AHR: variants seen among roughly 807,000 people sequenced by gnomAD.
AHR encodes aryl hydrocarbon receptor.
Under a neutral mutation model 86.8 loss-of-function variants are expected in AHR, and 40 were observed. The ratio of observed to expected loss-of-function variants is 0.46; its 90% confidence interval spans 0.36 to 0.60. The LOEUF (loss-of-function observed/expected upper bound fraction) is 0.60, where lower values mean the gene tolerates loss of function less well. Among genes scored for constraint, AHR ranks in the 20% least tolerant of loss-of-function variants. The pLI, the probability that AHR is intolerant of heterozygous loss-of-function variation, is 0.00. For missense variants in AHR, 1,001 were observed against 1,011.6 expected (o/e 0.99, Z 0.14); for synonymous variants, 398 against 354.9 (o/e 1.12, Z -1.37).
chr7:17,299,314 A>C lies in AHR; in HGVS notation c.50A>C (p.Lys17Thr). The C allele has an allele frequency of 6.2e-7, 1 of 1,612,834 alleles. No homozygotes were observed. The highest frequency in any genetic ancestry group is 2.2e-5 in the East Asian group (1 of 44,854). Reference sequence around the variant, plus strand: ...ACCTACGCCAGTCGCAAGCGGCGGAAGCCGGTGCAGAAAACGTGAGTGTCC... The same window carrying C: ...ACCTACGCCAGTCGCAAGCGGCGGACGCCGGTGCAGAAAACGTGAGTGTCC... Reference protein sequence around the residue: ...NITYASRKRRKPVQKTVKPIP... With the variant: ...NITYASRKRRTPVQKTVKPIP... Residue 17 changes from lysine (K) to threonine (T), a missense_variant, in exon 1 of 11, where the codon AAG (lysine) becomes ACG (threonine). Physicochemically the swap from Lys to Thr is moderately conservative, Grantham distance 78. This residue lies in a region of AHR where 394 missense variants were observed against 468.5 expected (regional missense o/e 0.84). Transcript: ENST00000242057.
rs904372307 is a variant in AHR at position 17,299,452 on chromosome 7, C to T, written c.65+123C>T. ...GGGATTAGGTCCATTCCCGGCACTG[C>T]CCGTGGAATCGAGGTTTGGAGGCCG... On this transcript the variant is annotated intron_variant, in intron 1 of 10. Coordinates refer to ENST00000242057, the MANE Select transcript of AHR (RefSeq NM_001621.5). 5 of 1,111,760 alleles carry T rather than the reference C, an allele frequency of 4.5e-6. No individual in the cohort carries two copies. The African/African-American group carries it at 8.1e-5, about 18-fold the overall frequency. The allele number at this position is 1,111,760 out of a possible 1,614,324, so 68.9% of individuals were successfully genotyped here.
intron 2 of AHR, among the ~76,000 whole-genome samples, chr7:17,315,856 G>T (rs1425826150): frequency 1.3e-5 from 2 of 151,860 alleles, no homozygotes; most frequent in African/African-American, 4.8e-5. Context: ...TTCAATCAAT[G>T]AATTTTAATG....
intron 2 of AHR, among the ~76,000 whole-genome samples, chr7:17,315,675 G>A (rs1274268382): frequency 6.6e-6 from 1 of 151,760 alleles, no homozygotes; most frequent in African/African-American, 2.4e-5. Context: ...TAAGTCTTAA[G>A]ATATTTCGTG....
chr7:17,324,793 CT>C lies in AHR; in HGVS notation c.360+2187del, dbSNP rs1395149141. On this transcript the variant is annotated intron_variant, in intron 3 of 10. Coordinates refer to ENST00000242057, the MANE Select transcript of AHR (RefSeq NM_001621.5). ...CTCCAGCCCGGGTGACAATGCGAGA[CT>C]CCATCTGAAAAAAAAAAAAAATTTA... Among the ~76,000 whole-genome samples, 3 of 147,746 alleles carry C rather than the reference CT, an allele frequency of 2.0e-5. No homozygotes were observed. In the South Asian group the frequency reaches 6.4e-4, roughly 32 times the overall value.
intron 3 of AHR, among the ~76,000 whole-genome samples, chr7:17,326,071 T>C (rs1782227297): frequency 2.6e-5 from 4 of 152,194 alleles, no homozygotes; most frequent in Admixed American, 2.6e-4. Context: ...ATCTCCTGGA[T>C]CAGCCATTTT....
intron 10 of AHR, among the ~76,000 whole-genome samples, chr7:17,342,356 A>G (rs1055284364): frequency 2.6e-5 from 4 of 152,180 alleles, no homozygotes; most frequent in African/African-American, 7.2e-5. Context: ...AATTAGAACT[A>G]TGCTTTCAGT....
At chr7:17,332,228 A>G (rs539038898) in intron 6 of AHR, among the ~76,000 whole-genome samples, 1 of 152,160 alleles carries the variant, frequency 6.6e-6, no homozygotes, top group East Asian at 1.9e-4. Flanking sequence ...ATAATACTTG[A>G]AAATAAAACA....
Position 17,340,086 on chromosome 7 carries a change from C to T in AHR, c.2261C>T (p.Pro754Leu). ...GAAAACCAAAAGCATGGATTAAATC[C>T]ACAGTCAGCCATAATAACTCCTCAG... is the stretch of plus-strand genomic sequence containing the variant. The part of the protein sequence containing the change: ...LPENQKHGLN[P>L]QSAIITPQTC... Residue 754 changes from proline (P) to leucine (L), a missense_variant, in exon 10 of 11, where the codon CCA becomes CTA. By Grantham distance (98) the Pro-to-Leu change is moderately conservative. Transcript: ENST00000242057. 3.7e-6 allele frequency: 6 copies of T among 1,614,144 alleles called. No individual in the cohort carries two copies. The highest frequency in any genetic ancestry group is 5.1e-6 in the Non-Finnish European group (6 of 1,180,020).
intron 10 of AHR, among the ~76,000 whole-genome samples, chr7:17,341,730 G>GT (rs1438043945): frequency 6.6e-6 from 1 of 152,068 alleles, no homozygotes; most frequent in Non-Finnish European, 1.5e-5. Context: ...GAAATGATTA[G>GT]TTTTTTCAGT....
Position 17,335,704 on chromosome 7 carries a change from T to C in AHR, c.1078T>C (p.Trp360Arg). 2 of 1,609,352 alleles carry C rather than the reference T, an allele frequency of 1.2e-6. No homozygotes were observed. Among genetic ancestry groups the C allele is most frequent in the Non-Finnish European group, 1.7e-6 (2 of 1,177,076 alleles). The change falls in exon 9 of 11, where the codon TGG becomes CGG. Residue 360 changes from tryptophan (W) to arginine (R), a missense_variant. Trp to Arg is a moderately radical substitution (Grantham distance 101, BLOSUM62 -3). Transcript: ENST00000242057. The part of the protein sequence containing the change: ...VFRLLTKNNR[W>R]TWVQSNARLL... ...CCGGCTTCTTACAAAAAACAACCGA[T>C]GGACTTGGGTCCAGTCTAATGCACG...
intron 7 of AHR, 47 bp from the exon 8 acceptor site, chr7:17,334,840 G>T: frequency 2.2e-6 from 3 of 1,338,606 alleles, no homozygotes; most frequent in Non-Finnish European, 3.2e-6. Flanking sequence ...TTTCATTTAT[G>T]TTAAATCTTA....
At chr7:17,334,543 T>G (rs1272463029) in intron 7 of AHR, among the ~76,000 whole-genome samples, 1 of 152,126 alleles carries the variant, frequency 6.6e-6, no homozygotes, top group South Asian at 2.1e-4. Context: ...GAGAGGTAAT[T>G]AGAAAAACCT....
intron 8 of AHR, 28 bp downstream of exon 8, chr7:17,335,024 C>T: frequency 6.5e-7 from 1 of 1,528,576 alleles, no homozygotes; most frequent in Non-Finnish European, 9.0e-7. Flanking sequence ...ATGAACATGT[C>T]AGAAGAAAAC....
At chr7:17,299,356 G>A (rs745966469) in intron 1 of AHR, 27 bp downstream of exon 1, 3 of 1,608,978 alleles carry the variant, frequency 1.9e-6, no homozygotes, top group Non-Finnish European at 2.5e-6. Context: ...CGTCCTCATC[G>A]CGGGGGCTGG....
At chr7:17,338,447 C>G (rs1782379780) in intron 9 of AHR, among the ~76,000 whole-genome samples, 1 of 152,108 alleles carries the variant, frequency 6.6e-6, no homozygotes, top group African/African-American at 2.4e-5. Flanking sequence ...CCTTAACCTC[C>G]AGGCTCAGGC....
At chr7:17,323,008 A>G (rs1782190325) in intron 3 of AHR, among the ~76,000 whole-genome samples, 2 of 152,062 alleles carry the variant, frequency 1.3e-5, no homozygotes, top group African/African-American at 2.4e-5. Context: ...AGACTATACC[A>G]TCTAGGTTTG....
chr7:17,322,432 G>A (rs565804946), intron 2 of AHR, 69 bp from the exon 3 acceptor site: 1 of 998,266 alleles, frequency 1.0e-6, no homozygotes, highest in African/African-American at 1.6e-5. Context: ...TTGGTGTTCA[G>A]AAGTTTTCTA....
intron 2 of AHR, among the ~76,000 whole-genome samples, chr7:17,320,667 T>C (rs1048513136): frequency 2.0e-5 from 3 of 152,056 alleles, no homozygotes; most frequent in East Asian, 3.9e-4. Flanking sequence ...TTCAAGCAAA[T>C]GTGGCCATTA....
chr7:17,335,332 G>T (rs945637599), intron 8 of AHR, among the ~76,000 whole-genome samples: 2 of 152,066 alleles, frequency 1.3e-5, no homozygotes, highest in South Asian at 4.1e-4. Flanking sequence ...AAATTATAAA[G>T]TATTAGGCTG....
Sources: allele counts gnomAD v4.1 joint callset (sites outside exome capture counted in the v4.1 genomes callset), GRCh38; gene constraint gnomAD v4.1.1; regional missense constraint gnomAD v4.1.1; transcripts MANE v1.5; gene names NCBI Gene and HGNC (gene_info 2026-07-23, HGNC 2026-07-21).